Variants in NAPA observed in about 807,000 individuals in gnomAD.
NAPA encodes alpha-soluble NSF attachment protein.
In NAPA, 18 loss-of-function variants were observed where a neutral mutation model predicts 48.0. The observed-to-expected ratio is 0.38, with a 90% CI of 0.26 to 0.56. NAPA has a LOEUF of 0.56. Ranked by LOEUF, NAPA falls within the 20% of genes least tolerant of loss-of-function variation. The pLI, the probability that NAPA is intolerant of heterozygous loss-of-function variation, is 0.77. For missense variants in NAPA, 315 were observed against 385.0 expected (o/e 0.82, Z 1.52); for synonymous variants, 152 against 149.9 (o/e 1.01, Z -0.10).
At position 47,492,109 on chromosome 19, in the gene NAPA, T is replaced by C; in HGVS notation, c.572A>G (p.Asn191Ser). 1 of 1,613,816 alleles carries C rather than the reference T, an allele frequency of 6.2e-7. No homozygotes were observed. The highest frequency in any genetic ancestry group is 8.5e-7 in the Non-Finnish European group (1 of 1,179,810). ...AIDIYEQVGT[N>S]AMDSPLLKYS... ...CTTGAGGAGGGGGCTGTCCATGGCA[T>C]TGGTCCCCACCTGTAGCCATGGAGA... is the stretch of plus-strand genomic sequence containing the variant. Residue 191 changes from asparagine (N) to serine (S), a missense_variant, in exon 8 of 11, where the codon AAT (asparagine) becomes AGT (serine). Asn to Ser is a conservative substitution (Grantham distance 46). Around this residue, in one of 3 missense-constraint regions of NAPA, gnomAD observed 137 missense variants for 150.1 expected, o/e 0.91. Coordinates refer to ENST00000263354, the MANE Select transcript of NAPA (RefSeq NM_003827.4).
chr19:47,509,410 G>A (rs1327161575), intron 1 of NAPA, among the ~76,000 whole-genome samples: 2 of 152,006 alleles, frequency 1.3e-5, no homozygotes, highest in African/African-American at 2.4e-5. Context: ...TGGCCTCAGC[G>A]CCAGCTCATC....
At position 47,495,565 on chromosome 19, in the gene NAPA, C is replaced by T. The variant is rs560910318; in HGVS notation, c.327G>A (p.Glu109=). 51 of 1,613,990 alleles carry T rather than the reference C, an allele frequency of 3.2e-5. No individual in the cohort carries two copies. The African/African-American group carries it at 5.3e-4, about 17-fold the overall frequency. The stretch of plus-strand genomic sequence containing the variant: ...CAGCCCTTACCATGTCTGTGTAGAT[C>T]TCGATTGCTCGCATCAAACAGTTAA... ...EAINCLMRAI[E]IYTDMGRFTI... The change falls in exon 4 of 11, where the codon GAG becomes GAA. Residue 109 remains glutamate (E), a synonymous_variant. Transcript: ENST00000263354.
chr19:47,485,042 TAC>T (rs1016040411), downstream of NAPA, among the ~76,000 whole-genome samples: 59 of 152,222 alleles, frequency 3.9e-4, no homozygotes, highest in African/African-American at 1.4e-3. Context: ...AAATAATTAA[TAC>T]ATTCTTCTTG....
intron 3 of NAPA, among the ~76,000 whole-genome samples, chr19:47,500,087 T>C (rs748230835): frequency 2.6e-5 from 4 of 152,216 alleles, no homozygotes. Flanking sequence ...AGCCCCAAAC[T>C]GGGTTTCTGT....
At chr19:47,500,884 C>T (rs1264499752) in intron 2 of NAPA, 135 bp from the exon 3 acceptor site, 1 of 607,152 alleles carries the variant, frequency 1.6e-6, no homozygotes, top group African/African-American at 1.9e-5. Flanking sequence ...CGAGGGTGAC[C>T]TGAGCGAGCC....
At chr19:47,492,747 G>T in intron 7 of NAPA, 1 of 689,164 alleles carries the variant, frequency 1.5e-6, no homozygotes, top group Non-Finnish European at 2.7e-6. Flanking sequence ...CAGCCAGGGA[G>T]AGAGACGGTG....
Position 47,493,776 on chromosome 19 carries a change from G to A in NAPA, c.343-283C>T. ...CATCCCATCCACGAGGGCACAGATG[G>A]TGTGACACCAGAGAGAATGTGAGCA... On this transcript the variant is annotated intron_variant, in intron 4 of 10. Transcript: ENST00000263354. The surrounding 1 kb of genome is among the most constrained non-coding windows in gnomAD (Gnocchi z 6.4). 1 of 445,336 alleles carries A rather than the reference G, an allele frequency of 2.2e-6. No homozygotes were observed. Among genetic ancestry groups the A allele is most frequent in the East Asian group, 3.8e-5 (1 of 26,270 alleles). 27.6% of individuals were successfully genotyped at this position (445,336 alleles called of 1,614,324 possible). A position where few individuals can be genotyped will look rare whatever the true frequency, so the allele number is the denominator to read the frequency against.
At chr19:47,501,792 C>T (rs1157090614) in intron 2 of NAPA, among the ~76,000 whole-genome samples, 2 of 152,186 alleles carry the variant, frequency 1.3e-5, no homozygotes, top group African/African-American at 4.8e-5. Context: ...GGCTTCTCCC[C>T]TTCATTCTCC....
rs541525931 is a variant in NAPA at position 47,498,123 on chromosome 19, C to T, written c.295+2510G>A. Among the ~76,000 whole-genome samples, 46 of 152,350 alleles carry T rather than the reference C, an allele frequency of 3.0e-4. 1 individual carries two copies. The highest frequency in any genetic ancestry group is 1.1e-3 in the African/African-American group (46 of 41,578). On this transcript the variant is annotated intron_variant, in intron 3 of 10. Coordinates refer to ENST00000263354, the MANE Select transcript of NAPA (RefSeq NM_003827.4). ...GGAGCCCAGTCGGGCCTCAGGCACA[C>T]TCCAGCTGCCACTTGGGGGCAGGTC... is the stretch of plus-strand genomic sequence containing the variant.
intron 10 of NAPA, 99 bp from the exon 11 acceptor site, chr19:47,488,488 C>T (rs1968141448): frequency 1.1e-6 from 1 of 888,244 alleles, no homozygotes. Context: ...CTGTCTCTGT[C>T]ACCCCTGGTC....
At chr19:47,495,107 AT>A in intron 4 of NAPA, 1 of 179,138 alleles carries the variant, frequency 5.6e-6, no homozygotes, top group Non-Finnish European at 1.2e-5. Context: ...GACTCAAGCG[AT>A]TTTCCTGCCT....
At chr19:47,496,488 T>C (rs1172256414) in intron 3 of NAPA, 2 of 153,326 alleles carry the variant, frequency 1.3e-5, no homozygotes, top group Non-Finnish European at 2.9e-5. Context: ...AACACCATTT[T>C]AGCACATCTC....
At chr19:47,497,522 TATCTC>T (rs1013058706) in intron 3 of NAPA, 1 of 152,380 alleles carries the variant, frequency 6.6e-6, no homozygotes, top group African/African-American at 2.4e-5. Context: ...CTGCTACTCT[TATCTC>T]AGGTCACCAG....
rs1308385831 is a variant in NAPA, at chr19:47,506,199, C to T, written c.99-2697G>A. Among the ~76,000 whole-genome samples the T allele has an allele frequency of 6.6e-6, 1 of 151,900 alleles. No homozygotes were observed. The highest frequency in any genetic ancestry group is 1.5e-5 in the Non-Finnish European group (1 of 67,978). On this transcript the variant is annotated intron_variant, in intron 1 of 10. Transcript: ENST00000263354. The surrounding 1 kb of genome is among the most constrained non-coding windows in gnomAD (Gnocchi z 4.0). ...TATTAGTAGAGACAGGGTTTCACCA[C>T]GTTGGCCAGGCTGGTCTCGAACTCC... is the stretch of plus-strand genomic sequence containing the variant.
At chr19:47,503,309 G>T in intron 2 of NAPA, 114 bp downstream of exon 2, 1 of 928,452 alleles carries the variant, frequency 1.1e-6, no homozygotes, top group Non-Finnish European at 1.8e-6. Context: ...CGATGCCGGA[G>T]AGGGCATACA....
chr19:47,503,450 T>C lies in NAPA; in HGVS notation c.151A>G (p.Met51Val), dbSNP rs1471145173. The change falls in exon 2 of 11, where the codon ATG becomes GTG. Residue 51 changes from methionine to valine, a missense_variant. By Grantham distance (21) the Met-to-Val change is conservative (BLOSUM62 1). Transcript: ENST00000263354. ...CTCCAGTTTTTGGCCATTTTGAACATGTTTGCTGCTCTGGCGTAGATTTCG... is the reference window on the plus strand; with the variant it reads ...CTCCAGTTTTTGGCCATTTTGAACACGTTTGCTGCTCTGGCGTAGATTTCG... ...ACEIYARAANMFKMAKNWSAA... is the reference protein window; with the variant it reads ...ACEIYARAANVFKMAKNWSAA... 8 of 1,614,216 alleles carry C rather than the reference T, an allele frequency of 5.0e-6. No individual in the cohort carries two copies. The Admixed American group carries it at 5.0e-5, about 10-fold the overall frequency.
intron 1 of NAPA, among the ~76,000 whole-genome samples, chr19:47,508,784 T>C (rs12978386): frequency 1.3e-5 from 2 of 152,070 alleles, no homozygotes. Flanking sequence ...TTCCATTCTT[T>C]ATCTACAAAA....
intron 3 of NAPA, among the ~76,000 whole-genome samples, chr19:47,497,737 G>T (rs1403038446): frequency 6.6e-6 from 1 of 152,244 alleles, no homozygotes; most frequent in Non-Finnish European, 1.5e-5. Flanking sequence ...GCCCTTCCTG[G>T]TTACACTTGG....
intron 3 of NAPA, among the ~76,000 whole-genome samples, chr19:47,498,195 A>G (rs1968479981): frequency 6.6e-6 from 1 of 152,132 alleles, no homozygotes; most frequent in East Asian, 1.9e-4. Context: ...CTGACCCAAG[A>G]CAGAGGCCTT....
Sources: allele counts gnomAD v4.1 joint callset (sites outside exome capture counted in the v4.1 genomes callset), GRCh38; gene constraint gnomAD v4.1.1; regional missense constraint gnomAD v4.1.1; non-coding constraint Gnocchi (gnomAD v3.1); transcripts MANE v1.5; gene names NCBI Gene and HGNC (gene_info 2026-07-23, HGNC 2026-07-21).